Variants in ADAMDEC1 observed in about 807,000 individuals in gnomAD.
ADAMDEC1 encodes ADAM like decysin 1, also known as ADAM DEC1.
A neutral mutation model predicts 60.4 loss-of-function variants in ADAMDEC1; 62 were observed. The ratio of observed to expected loss-of-function variants is 1.03; its 90% CI spans 0.84 to 1.27. The LOEUF (loss-of-function observed/expected upper bound fraction) is 1.27, where lower values mean the gene tolerates loss of function less well. Ranked by LOEUF, ADAMDEC1 falls within the 50% of genes most tolerant of loss-of-function variation. The pLI, the probability that ADAMDEC1 is intolerant of heterozygous loss-of-function variation, is 0.00. For synonymous variants in ADAMDEC1, 210 were observed against 195.1 expected, an observed-to-expected ratio of 1.08 and a Z score of -0.64; for missense variants, 595 against 565.0, an observed-to-expected ratio of 1.05 and a Z score of -0.54.
intron 7 of ADAMDEC1, among the ~76,000 whole-genome samples, chr8:24,398,122 AT>A (rs1212153356): frequency 6.6e-6 from 1 of 151,324 alleles, no homozygotes; most frequent in African/African-American, 2.4e-5. Flanking sequence ...TAGAAACTAT[AT>A]TGATAGATAC....
chr8:24,400,153 A>C lies in ADAMDEC1; in HGVS notation c.1012-17A>C. 6.6e-7 allele frequency: 1 copy of C among 1,521,824 alleles called. No homozygotes were observed. The highest frequency in any genetic ancestry group is 8.8e-7 in the Non-Finnish European group (1 of 1,135,658). The allele number at this position is 1,521,824 out of a possible 1,614,324, so 94.3% of individuals were successfully genotyped here. On this transcript the variant is annotated splice_polypyrimidine_tract_variant and intron_variant, in intron 10 of 13. Transcript: ENST00000256412. ...TTAAATAAAAAAAGAATAAATAAAT[A>C]TATCTACTTTTTCCAGGCTAAAAAA...
intron 11 of ADAMDEC1, among the ~76,000 whole-genome samples, chr8:24,400,906 G>A (rs555580381): frequency 5.3e-5 from 8 of 150,640 alleles, no homozygotes; most frequent in Middle Eastern, 3.5e-3. Context: ...TTGTCCTCAC[G>A]ATAGTTTGCT....
chr8:24,389,811 C>T (rs1817391133), intron 1 of ADAMDEC1, among the ~76,000 whole-genome samples: 1 of 152,156 alleles, frequency 6.6e-6, no homozygotes, highest in Admixed American at 6.6e-5. Context: ...ATCCGGAACT[C>T]TTTGTTCCTA....
intron 1 of ADAMDEC1, among the ~76,000 whole-genome samples, chr8:24,388,804 C>T (rs1278056462): frequency 6.6e-6 from 1 of 152,084 alleles, no homozygotes. Flanking sequence ...GCAAATCTGC[C>T]CCAAAGCCCA....
intron 7 of ADAMDEC1, 100 bp downstream of exon 7, chr8:24,397,845 G>A (rs958150886): frequency 4.4e-6 from 5 of 1,124,686 alleles, no homozygotes; most frequent in Non-Finnish European, 6.5e-6. Flanking sequence ...TAATCATGGG[G>A]CATTTGTCCA....
rs1369243102 is a variant in ADAMDEC1 at position 24,397,442 on chromosome 8, C to T, written c.613C>T (p.Leu205Phe). Reference sequence around the variant, plus strand: ...AGGCCCAATTCGAATCTCTAGATCACTCAAAAGCCCAGAGGTGAATACAAT... The same window carrying T: ...AGGCCCAATTCGAATCTCTAGATCATTCAAAAGCCCAGAGGTGAATACAAT... The part of the protein sequence containing the change: ...KQGPIRISRS[L>F]KSPEKEDFLR... The change falls in exon 6 of 14, where the codon CTC becomes TTC. Residue 205 changes from leucine (L) to phenylalanine (F), a missense_variant. Coordinates refer to ENST00000256412, the MANE Select transcript of ADAMDEC1 (RefSeq NM_014479.3). 1.2e-6 allele frequency: 2 copies of T among 1,613,580 alleles called. No homozygotes were observed. The highest frequency in any genetic ancestry group is 1.1e-5 in the South Asian group (1 of 91,038).
At chr8:24,385,238 C>T in intron 1 of ADAMDEC1, among the ~76,000 whole-genome samples, 1 of 152,078 alleles carries the variant, frequency 6.6e-6, no homozygotes, top group East Asian at 1.9e-4. Flanking sequence ...CATGTATAAA[C>T]ACATTTGTGC....
chr8:24,391,604 T>C (rs988254994), intron 1 of ADAMDEC1, among the ~76,000 whole-genome samples: 8 of 152,260 alleles, frequency 5.3e-5, no homozygotes, highest in African/African-American at 1.9e-4. Flanking sequence ...ATCTTCCTAC[T>C]TCCTCTCTGA....
chr8:24,405,311 G>A lies in ADAMDEC1; in HGVS notation c.*13G>A, dbSNP rs199840512. The A allele has an allele frequency of 1.6e-5, 26 of 1,612,388 alleles. No individual in the cohort carries two copies. In the South Asian group the frequency reaches 2.5e-4, roughly 16 times the overall value. On this transcript the variant is annotated 3_prime_UTR_variant, in exon 14 of 14. Transcript: ENST00000256412. ...AATCAGAGAGTGAATCCAAAAGTCT[G>A]CTTCACTGAGATGCTACCTTGCCAG...
Position 24,384,425 on chromosome 8 carries a change from TG to T in ADAMDEC1, c.-75del. On this transcript the variant is annotated 5_prime_UTR_variant, in exon 1 of 14. It introduces an in-frame stop codon into an upstream open reading frame of the 5' UTR. Transcript: ENST00000256412. ...ACATTCCCCAATCTCACACGAAAAGTGGGGGTTTTAATTTTCTTGTTCAACT... is the reference window on the plus strand; with the variant it reads ...ACATTCCCCAATCTCACACGAAAAGTGGGGTTTTAATTTTCTTGTTCAACT... The T allele has an allele frequency of 8.5e-7, 1 of 1,172,334 alleles. No individual in the cohort carries two copies. The highest frequency in any genetic ancestry group is 1.6e-5 in the African/African-American group (1 of 63,110). The allele number at this position is 1,172,334 out of a possible 1,614,324, so 72.6% of individuals were successfully genotyped here. A position where few individuals can be genotyped will look rare whatever the true frequency, so the allele number is the denominator to read the frequency against.
rs141146768 is a variant in ADAMDEC1, at chr8:24,399,430, G to A, written c.967G>A (p.Ala323Thr). Residue 323 changes from alanine to threonine, a missense_variant, in exon 10 of 14, where the codon GCT becomes ACT. Transcript: ENST00000256412. ...SFNNRRVGLAASNSLCSPSSV... is the reference protein window; with the variant it reads ...SFNNRRVGLATSNSLCSPSSV... ...CAACAATCGACGTGTGGGACTGGCA[G>A]CTTCAAATTCCTTGTGTTCCCCATC... 5.6e-6 allele frequency: 9 copies of A among 1,613,988 alleles called. No individual in the cohort carries two copies. In the African/African-American group the frequency reaches 8.0e-5, roughly 14 times the overall value.
At chr8:24,392,843 C>T (rs1368629319) in intron 2 of ADAMDEC1, among the ~76,000 whole-genome samples, 2 of 145,832 alleles carry the variant, frequency 1.4e-5, no homozygotes, top group South Asian at 2.1e-4. Context: ...GCAAGTATTT[C>T]CCTCATTTTG....
chr8:24,392,901 T>G (rs1407050230), intron 2 of ADAMDEC1, among the ~76,000 whole-genome samples: 5 of 147,950 alleles, frequency 3.4e-5, no homozygotes, highest in East Asian at 3.9e-4. Context: ...TTTTTTTTTT[T>G]TTTTTTTTTT....
At position 24,404,055 on chromosome 8, in the gene ADAMDEC1, C is replaced by A. The variant is rs867548378; in HGVS notation, c.1373C>A (p.Thr458Asn). ...CTAACGTGTAAACTGAAGCCTGGAA[C>A]TGATTGCGGAGGAGATGCTCCAAAC... Reference protein sequence around the residue: ...EALTCKLKPGTDCGGDAPNHT... With the variant: ...EALTCKLKPGNDCGGDAPNHT... The change falls in exon 13 of 14, where the codon ACT (threonine) becomes AAT (asparagine). Residue 458 changes from threonine to asparagine, a missense_variant. Transcript: ENST00000256412. 42 of 1,613,624 alleles carry A rather than the reference C, an allele frequency of 2.6e-5. No homozygotes were observed. The highest frequency in any genetic ancestry group is 3.6e-5 in the Non-Finnish European group (42 of 1,179,800).
In ADAMDEC1 at chr8:24,397,749, A is replaced by T. The variant is rs1817653275; in HGVS notation, c.690+4A>T. The T allele has an allele frequency of 6.2e-7, 1 of 1,611,654 alleles. No homozygotes were observed. Among genetic ancestry groups the T allele is most frequent in the East Asian group, 2.2e-5 (1 of 44,760 alleles). On this transcript the variant is annotated splice_donor_region_variant and intron_variant, in intron 7 of 13. Coordinates refer to ENST00000256412, the MANE Select transcript of ADAMDEC1 (RefSeq NM_014479.3). ...TTTGGTGCTGGATAATGCCTTTGTG[A>T]GTATGAAACACACGGCCCTCTCGGC...
chr8:24,387,455 A>C (rs533108009), intron 1 of ADAMDEC1: 1 of 152,154 alleles, frequency 6.6e-6, no homozygotes, highest in East Asian at 1.9e-4. Context: ...CCATAACGTT[A>C]AAGATGTTAC....
chr8:24,384,387 A>G lies in ADAMDEC1; in HGVS notation c.-118A>G, dbSNP rs1817238968. ...ACTGCAATTTTTTGACAATTTCCCA[A>G]CACTCTTAAGAAACATTCCCCAATC... On this transcript the variant is annotated 5_prime_UTR_variant, in exon 1 of 14. Coordinates refer to ENST00000256412, the MANE Select transcript of ADAMDEC1 (RefSeq NM_014479.3). The G allele has an allele frequency of 2.5e-6, 2 of 787,142 alleles. No homozygotes were observed. Among genetic ancestry groups the G allele is most frequent in the Admixed American group, 3.2e-5 (1 of 30,822 alleles). The allele number at this position is 787,142 out of a possible 1,614,324, so 48.8% of individuals were successfully genotyped here.
chr8:24,398,625 C>T, intron 8 of ADAMDEC1, 74 bp downstream of exon 8: 1 of 1,180,122 alleles, frequency 8.5e-7, no homozygotes, highest in Non-Finnish European at 1.2e-6. Context: ...AAGATTTCAC[C>T]AACAAGAAGT....
intron 2 of ADAMDEC1, 106 bp downstream of exon 2, chr8:24,392,486 A>T (rs557709195): frequency 1.3e-6 from 1 of 787,122 alleles, no homozygotes; most frequent in East Asian, 2.7e-5. Context: ...TAATAGTTTC[A>T]TATTGAAGCC....
Sources: allele counts gnomAD v4.1 joint callset (sites outside exome capture counted in the v4.1 genomes callset), GRCh38; gene constraint gnomAD v4.1.1; transcripts MANE v1.5; gene names NCBI Gene and HGNC (gene_info 2026-07-23, HGNC 2026-07-21).